Variants in SLC35D1 observed in about 807,000 individuals in gnomAD.
The protein encoded by SLC35D1 is nucleotide sugar transporter SLC35D1.
Under a neutral mutation model 46.7 loss-of-function variants are expected in SLC35D1, and 31 were observed. The ratio of observed to expected loss-of-function variants is 0.66; its 90% CI spans 0.50 to 0.90. The LOEUF is 0.90. SLC35D1 is among the 40% of genes least tolerant of loss of function. The probability of loss-of-function intolerance (pLI) is 0.00; values close to 1 mark genes in which losing one functional copy is unlikely to be tolerated. For missense variants in SLC35D1, 397 were observed against 426.2 expected, an observed-to-expected ratio of 0.93 and a Z score of 0.60; for synonymous variants, 195 against 164.6, an observed-to-expected ratio of 1.18 and a Z score of -1.41.
chr1:66,985,121 G>C, the SLC35D1 span: 1 of 1,189,362 alleles, frequency 8.4e-7, no homozygotes, highest in South Asian at 2.7e-5. Flanking sequence ...TAGTAAATTT[G>C]AATGAACTAA....
chr1:67,004,506 C>G, intron 11 of SLC35D1, 58 bp from the exon 12 acceptor site: 1 of 1,461,474 alleles, frequency 6.8e-7, no homozygotes, highest in South Asian at 1.1e-5. Context: ...AGTGTAAACA[C>G]TCTACTCAGT....
the SLC35D1 span, among the ~76,000 whole-genome samples, chr1:66,991,516 G>GT: frequency 1.3e-5 from 2 of 152,066 alleles, no homozygotes; most frequent in Non-Finnish European, 2.9e-5. Context: ...ACAAACTTAG[G>GT]AAGTGTTTCT....
intron 8 of SLC35D1, among the ~76,000 whole-genome samples, chr1:67,039,268 C>T (rs147208819): frequency 6.6e-6 from 1 of 152,258 alleles, no homozygotes; most frequent in African/African-American, 2.4e-5. Context: ...GGGTTAATCA[C>T]AGGATAGTAG....
At chr1:67,049,678 A>G in intron 6 of SLC35D1, 104 bp downstream of exon 6, 1 of 1,043,236 alleles carries the variant, frequency 9.6e-7, no homozygotes, top group Admixed American at 2.0e-5. Flanking sequence ...TTTCAAAGAT[A>G]TAATTCTTAT....
At chr1:66,986,502 C>T in the SLC35D1 span, 1 of 1,479,346 alleles carries the variant, frequency 6.8e-7, no homozygotes, top group Non-Finnish European at 9.4e-7. Context: ...TTTAATGGCT[C>T]AACTGTCTGA....
intron 8 of SLC35D1, among the ~76,000 whole-genome samples, chr1:67,029,615 G>C (rs1667978844): frequency 6.6e-6 from 1 of 152,184 alleles, no homozygotes; most frequent in African/African-American, 2.4e-5. Flanking sequence ...AAACATCCAT[G>C]ATCTGTGGCC....
At chr1:66,986,261 A>G in the SLC35D1 span, 1 of 1,395,460 alleles carries the variant, frequency 7.2e-7, no homozygotes, top group Non-Finnish European at 9.3e-7. Context: ...AGATAGGATT[A>G]TCCATCTGCA....
downstream of SLC35D1, among the ~76,000 whole-genome samples, chr1:66,995,939 CCCT>C (rs1355463519): frequency 2.6e-5 from 4 of 152,124 alleles, no homozygotes; most frequent in African/African-American, 9.7e-5. Flanking sequence ...CTTGATGAAA[CCCT>C]CCTATTTCTT....
Position 67,042,402 on chromosome 1 carries a change from C to A in SLC35D1, c.637-74G>T, listed in dbSNP as rs1439125608. The A allele has an allele frequency of 1.4e-5, 15 of 1,080,214 alleles. No individual in the cohort carries two copies. In the East Asian group the frequency reaches 3.9e-4, roughly 28 times the overall value. The allele number at this position is 1,080,214 out of a possible 1,614,324, so 66.9% of individuals were successfully genotyped here. A position where few individuals can be genotyped will look rare whatever the true frequency, so the allele number is the denominator to read the frequency against. On this transcript the variant is annotated intron_variant, in intron 7 of 11. Transcript: ENST00000235345. ...ATACAACACTGTACAAAATACCACT[C>A]AAACTACACATAAATACACAAACAC...
In SLC35D1 at chr1:67,001,543, C is replaced by T. The variant is rs1667341061; in HGVS notation, c.*2797G>A. ...ATAGAATTTGTCTTTTGGAATACCA[C>T]AGCTCATCTGTCTCAGTGGGCAAAT... On this transcript the variant is annotated 3_prime_UTR_variant, in exon 12 of 12. Coordinates refer to ENST00000235345, the MANE Select transcript of SLC35D1 (RefSeq NM_015139.3). 1 of 152,338 alleles carries T rather than the reference C, an allele frequency of 6.6e-6. No homozygotes were observed. The highest frequency in any genetic ancestry group is 6.5e-5 in the Admixed American group (1 of 15,282). The allele number at this position is 152,338 out of a possible 1,614,324, so 9.4% of individuals were successfully genotyped here. A position where few individuals can be genotyped will look rare whatever the true frequency, so the allele number is the denominator to read the frequency against.
rs1570599034 is a variant in SLC35D1, at chr1:67,000,040, C to T, written c.*4300G>A. 1 of 150,422 alleles carries T rather than the reference C, an allele frequency of 6.6e-6. No homozygotes were observed. The highest frequency in any genetic ancestry group is 2.0e-4 in the East Asian group (1 of 5,116). The allele number at this position is 150,422 out of a possible 1,614,324, so 9.3% of individuals were successfully genotyped here. A position where few individuals can be genotyped will look rare whatever the true frequency, so the allele number is the denominator to read the frequency against. The stretch of plus-strand genomic sequence containing the variant: ...ATCCCAGCACTTTGGGAGGCTGAGA[C>T]AGAAGGGTTACTTGAGGCCAGGAGT... On this transcript the variant is annotated 3_prime_UTR_variant, in exon 12 of 12. Coordinates refer to ENST00000235345, the MANE Select transcript of SLC35D1 (RefSeq NM_015139.3).
chr1:67,018,432 T>A (rs188963004), intron 10 of SLC35D1, among the ~76,000 whole-genome samples: 14 of 152,202 alleles, frequency 9.2e-5, no homozygotes, highest in African/African-American at 1.9e-4. Flanking sequence ...TATATTAGGG[T>A]ATCCTAAGCA....
intron 10 of SLC35D1, among the ~76,000 whole-genome samples, chr1:67,019,037 T>G (rs1667741502): frequency 6.6e-6 from 1 of 152,152 alleles, no homozygotes; most frequent in Admixed American, 6.5e-5. Context: ...TGGACTACTG[T>G]GAGGAGAAAC....
chr1:67,007,708 GCT>G (rs1365027520), intron 11 of SLC35D1, among the ~76,000 whole-genome samples: 1 of 152,120 alleles, frequency 6.6e-6, no homozygotes, highest in East Asian at 1.9e-4. Context: ...ACTATAATTT[GCT>G]CTCTAGCAGC....
At chr1:66,976,530 A>G in the SLC35D1 span, 2 of 1,460,982 alleles carry the variant, frequency 1.4e-6, no homozygotes, top group Non-Finnish European at 1.8e-6. Flanking sequence ...CAAACTTCAG[A>G]TGTTTATCAT....
At chr1:66,992,161 A>G in the SLC35D1 span, among the ~76,000 whole-genome samples, 72 of 152,356 alleles carry the variant, frequency 4.7e-4, no homozygotes, top group Admixed American at 2.4e-3. Flanking sequence ...ATGTATTGAC[A>G]TGAATTTCAG....
chr1:66,982,150 T>C, the SLC35D1 span, among the ~76,000 whole-genome samples: 4 of 152,208 alleles, frequency 2.6e-5, no homozygotes, highest in Non-Finnish European at 5.9e-5. Context: ...GACTATTTCT[T>C]GTAAGAAATT....
chr1:67,049,841 A>G lies in SLC35D1; in HGVS notation c.474T>C (p.Phe158=), dbSNP rs1570646101. The G allele has an allele frequency of 6.2e-7, 1 of 1,613,372 alleles. No homozygotes were observed. Among genetic ancestry groups the G allele is most frequent in the East Asian group, 2.2e-5 (1 of 44,786 alleles). The change falls in exon 6 of 12, where the codon TTT becomes TTC. Residue 158 remains phenylalanine (F), a synonymous_variant. Transcript: ENST00000235345. The part of the protein sequence containing the change: ...FAEGVLLKKT[F]SWGIKMTVFA... ...ATACAGTCATTTTAATACCCCAAGA[A>G]AAAGTCTTCCTACAAAACAAAAAAT...
chr1:67,020,477 GT>G, intron 9 of SLC35D1, 30 bp from the exon 10 acceptor site: 3 of 1,463,864 alleles, frequency 2.0e-6, no homozygotes, highest in Non-Finnish European at 2.9e-6. Context: ...ATAAAATCCA[GT>G]TTCTCACTTT....
Sources: gnomAD v4.1 joint callset for allele counts (sites outside exome capture counted in the v4.1 genomes callset) on GRCh38, gnomAD v4.1.1 for gene constraint, MANE v1.5 for transcripts, NCBI Gene and HGNC (gene_info 2026-07-23, HGNC 2026-07-21) for gene names.